Variants in PACS2 observed in about 807,000 individuals in gnomAD.
The protein encoded by PACS2 is PACS1-like protein.
PACS2 carries 36 observed loss-of-function variants against 113.0 expected under a neutral mutation model. That is an observed-to-expected ratio of 0.32 (90% CI 0.24 to 0.42). PACS2 has a LOEUF of 0.42. Among genes scored for constraint, PACS2 ranks in the 10% least tolerant of loss-of-function variants. The pLI is 1.00. For synonymous variants in PACS2, 589 were observed against 536.1 expected (o/e 1.10, Z -1.36); for missense variants, 1,015 against 1,239.5 (o/e 0.82, Z 2.72).
rs587642055 is a variant in PACS2 at position 105,388,199 on chromosome 14, C to T, written c.2034-1762C>T. 2.0e-5 allele frequency among the ~76,000 whole-genome samples: 3 copies of T among 152,224 alleles called. No homozygotes were observed. The South Asian group carries it at 6.2e-4, about 32-fold the overall frequency. On this transcript the variant is annotated intron_variant, in intron 19 of 24. Transcript: ENST00000447393. Reference sequence around the variant, plus strand: ...TTTCATCCAGAGGCATTTGCCAGGTCTTCTGCAGAGGGTGGGCCAGGAGCC... The same window carrying T: ...TTTCATCCAGAGGCATTTGCCAGGTTTTCTGCAGAGGGTGGGCCAGGAGCC...
chr14:105,361,614 G>A (rs2060681486), intron 4 of PACS2, among the ~76,000 whole-genome samples: 1 of 152,100 alleles, frequency 6.6e-6, no homozygotes, highest in African/African-American at 2.4e-5. Flanking sequence ...TCCAGCCTGG[G>A]TGACAAGAGT....
intron 1 of PACS2, among the ~76,000 whole-genome samples, chr14:105,327,693 G>A (rs961945780): frequency 6.6e-6 from 1 of 152,228 alleles, no homozygotes; most frequent in Non-Finnish European, 1.5e-5. Flanking sequence ...GCTATCGAAG[G>A]TTTTGGAGGT....
rs138056097 is a variant in PACS2 at position 105,337,064 on chromosome 14, G to A, written c.120-11429G>A. Among the ~76,000 whole-genome samples the A allele has an allele frequency of 4.6e-4, 70 of 152,348 alleles. 1 individual carries two copies. In the East Asian group the frequency reaches 6.7e-3, roughly 15 times the overall value. On this transcript the variant is annotated intron_variant, in intron 1 of 24. Transcript: ENST00000447393. ...TCACTGGGCCCTCGGTCAGCACCGC[G>A]TGGCCCTCCACACTGTGGAATATTA...
chr14:105,380,234 G>C, intron 11 of PACS2, 80 bp downstream of exon 11: 1 of 1,243,200 alleles, frequency 8.0e-7, no homozygotes, highest in Non-Finnish European at 1.1e-6. Flanking sequence ...ACCTGGAGGG[G>C]CGGGGCCCAC....
At chr14:105,306,446 G>C (rs2140656303) in intron 1 of PACS2, among the ~76,000 whole-genome samples, 1 of 152,110 alleles carries the variant, frequency 6.6e-6, no homozygotes, top group South Asian at 2.1e-4. Flanking sequence ...TGGGATTACA[G>C]GTGCATGCCA....
Position 105,355,311 on chromosome 14 carries a change from GGCGGCCGGGCTCCGCCATAAGGGCCAGGT to G in PACS2, c.423+141_423+169del. The G allele has an allele frequency of 9.0e-7, 1 of 1,111,752 alleles. No homozygotes were observed. The highest frequency in any genetic ancestry group is 1.2e-6 in the Non-Finnish European group (1 of 803,972). The allele number at this position is 1,111,752 out of a possible 1,614,324, so 68.9% of individuals were successfully genotyped here. A position where few individuals can be genotyped will look rare whatever the true frequency, so the allele number is the denominator to read the frequency against. On this transcript the variant is annotated intron_variant, in intron 4 of 24. Transcript: ENST00000447393. The surrounding 1 kb of genome is among the most constrained non-coding windows in gnomAD (Gnocchi z 4.1). ...AGGTGAAAATGATGAGAGGAGCCTG[GGCGGCCGGGCTCCGCCATAAGGGCCAGGT>G]GCGGCCCCAGGTGGTGCTTCCTCTC...
chr14:105,381,872 TC>T, intron 12 of PACS2, 41 bp from the exon 13 acceptor site: 1 of 1,529,386 alleles, frequency 6.5e-7, no homozygotes. Flanking sequence ...CTGTTCCTGT[TC>T]CTGCTGCCAC....
chr14:105,322,234 C>T (rs1038675344), intron 1 of PACS2, among the ~76,000 whole-genome samples: 2 of 151,550 alleles, frequency 1.3e-5, no homozygotes, highest in Non-Finnish European at 2.9e-5. Flanking sequence ...TGTGCCCGGC[C>T]TTTTTTTATT....
intron 1 of PACS2, among the ~76,000 whole-genome samples, chr14:105,302,656 C>G (rs1831358740): frequency 6.6e-6 from 1 of 151,736 alleles, no homozygotes; most frequent in Non-Finnish European, 1.5e-5. Context: ...CATAATCAAG[C>G]CTCACTGCAG....
intron 1 of PACS2, among the ~76,000 whole-genome samples, chr14:105,339,699 TAAA>T (rs199609177): frequency 2.2e-5 from 3 of 133,940 alleles, no homozygotes; most frequent in African/African-American, 2.7e-5. Context: ...CTGTCTCTAT[TAAA>T]AAAAAAAAAA....
At chr14:105,328,639 C>T (rs912825206) in intron 1 of PACS2, among the ~76,000 whole-genome samples, 10 of 152,230 alleles carry the variant, frequency 6.6e-5, no homozygotes, top group Non-Finnish European at 1.5e-4. Context: ...GCCCTCCCAG[C>T]AGCCCGAGTC....
rs115631676 is a variant in PACS2 at position 105,355,397 on chromosome 14, C to T, written c.423+220C>T. 0.014 allele frequency among the ~76,000 whole-genome samples: 2,106 copies of T among 152,372 alleles called. 51 individuals are homozygous for T. Among genetic ancestry groups the T allele is most frequent in the African/African-American group, 0.048 (2,000 of 41,588 alleles). On this transcript the variant is annotated intron_variant, in intron 4 of 24. Transcript: ENST00000447393. This position sits in a 1 kb window ranked among gnomAD's most constrained non-coding sequence, Gnocchi z 4.1. ...TCCCTTGCCGCCTAGCATGGCTCCC[C>T]GCATGCCTGCAGCCGCGCGCACTCC...
chr14:105,327,738 G>A lies in PACS2; in HGVS notation c.119+12701G>A, dbSNP rs190668670. On this transcript the variant is annotated intron_variant, in intron 1 of 24. Transcript: ENST00000447393. ...TAGCAACATGATATCCAGAGATTGC[G>A]ACTGTGGCTCGAGCGGTTCCCTGCC... Among the ~76,000 whole-genome samples the A allele has an allele frequency of 2.3e-3, 346 of 152,336 alleles. 2 individuals carry two copies. The highest frequency in any genetic ancestry group is 7.4e-3 in the African/African-American group (306 of 41,574).
chr14:105,346,277 C>T (rs1233679596), intron 1 of PACS2, among the ~76,000 whole-genome samples: 2 of 152,034 alleles, frequency 1.3e-5, no homozygotes, highest in African/African-American at 4.8e-5. Flanking sequence ...GACTCATTTC[C>T]GGGTTAGTCC....
At position 105,330,845 on chromosome 14, in the gene PACS2, C is replaced by G. The variant is rs1264341556; in HGVS notation, c.119+15808C>G. On this transcript the variant is annotated intron_variant, in intron 1 of 24. Coordinates refer to ENST00000447393, the MANE Select transcript of PACS2 (RefSeq NM_001100913.3). The surrounding 1 kb of genome is among the most constrained non-coding windows in gnomAD (Gnocchi z 6.9). ...CTTAAGTGCGTTCCCAATTCCATCT[C>G]TGTGCCAGCTGTGCCCCATGCAGCC... is the stretch of plus-strand genomic sequence containing the variant. Among the ~76,000 whole-genome samples, 4 of 152,244 alleles carry G rather than the reference C, an allele frequency of 2.6e-5. No homozygotes were observed. Among genetic ancestry groups the G allele is most frequent in the Admixed American group, 2.6e-4 (4 of 15,288 alleles).
Position 105,309,388 on chromosome 14 carries a change from C to T in PACS2, c.-83+8409C>T, listed in dbSNP as rs890429092. On this transcript the variant is annotated intron_variant, in intron 1 of 23. Coordinates refer to the PACS2 transcript ENST00000430725. The surrounding 1 kb of genome is among the most constrained non-coding windows in gnomAD (Gnocchi z 4.0). ...CCCCATGTTGCTAAAACTGAGGCAG[C>T]GTTCCGTTTTGCTGGTTATTCCACA... 2.0e-5 allele frequency among the ~76,000 whole-genome samples: 3 copies of T among 152,184 alleles called. No homozygotes were observed. The highest frequency in any genetic ancestry group is 4.4e-5 in the Non-Finnish European group (3 of 68,032).
At chr14:105,367,736 C>T (rs2060989115) in intron 5 of PACS2, among the ~76,000 whole-genome samples, 1 of 152,258 alleles carries the variant, frequency 6.6e-6, no homozygotes, top group African/African-American at 2.4e-5. Context: ...ACCAGGGCCT[C>T]CCCTACTCCT....
At chr14:105,339,419 A>G (rs587647746) in intron 1 of PACS2, among the ~76,000 whole-genome samples, 2 of 151,976 alleles carry the variant, frequency 1.3e-5, no homozygotes, top group Non-Finnish European at 2.9e-5. Flanking sequence ...AGGCGAAAGA[A>G]TGGCTTGAAC....
At position 105,354,263 on chromosome 14, in the gene PACS2, C is replaced by T. The variant is rs75564406; in HGVS notation, c.298-789C>T. Among the ~76,000 whole-genome samples, 2,323 of 152,092 alleles carry T rather than the reference C, an allele frequency of 0.015. 66 individuals are homozygous for T. The highest frequency in any genetic ancestry group is 0.053 in the African/African-American group (2,213 of 41,472). On this transcript the variant is annotated intron_variant, in intron 3 of 24. Coordinates refer to ENST00000447393, the MANE Select transcript of PACS2 (RefSeq NM_001100913.3). This position sits in a 1 kb window ranked among gnomAD's most constrained non-coding sequence, Gnocchi z 4.2. ...CAGGAGGTGGAGGTGACAGTGAGCC[C>T]GGCTAATTTTTGTATTTTTGTAGAG...
Sources: gnomAD v4.1 joint callset for allele counts (sites outside exome capture counted in the v4.1 genomes callset) on GRCh38, gnomAD v4.1.1 for gene constraint, Gnocchi (gnomAD v3.1) non-coding constraint, MANE v1.5 for transcripts, NCBI Gene and HGNC (gene_info 2026-07-23, HGNC 2026-07-21) for gene names.